The following PEA15 variants were observed in gnomAD, a reference collection of about 807,000 sequenced individuals.
The protein encoded by PEA15 is astrocytic phosphoprotein PEA-15.
For synonymous variants in PEA15, 60 were observed against 61.8 expected (o/e 0.97, Z 0.13); for missense variants, 77 against 161.3 (o/e 0.48, Z 2.83).
intron 2 of PEA15, among the ~76,000 whole-genome samples, 194 bp from the exon 3 acceptor site, chr1:160,212,916 G>C (rs187733226): frequency 6.6e-6 from 1 of 152,078 alleles, no homozygotes; most frequent in Non-Finnish European, 1.5e-5. Context: ...CCCTTCCTGC[G>C]AACAGTCCTC....
In PEA15 at chr1:160,213,788, T is replaced by TACTTCCCTTTCCTCCA. The variant is rs1654979253; in HGVS notation, c.*303_*318dup. Reference sequence around the variant, plus strand: ...CAAATAGAAATCAGCACATTCCTCCTACTTCCCTTTCCTCCACTCCCCCCA... The same window carrying TACTTCCCTTTCCTCCA: ...CAAATAGAAATCAGCACATTCCTCCTACTTCCCTTTCCTCCAACTTCCCTTTCCTCCACTCCCCCCA... On this transcript the variant is annotated 3_prime_UTR_variant, in exon 4 of 4. Coordinates refer to ENST00000360472, the MANE Select transcript of PEA15 (RefSeq NM_003768.5). This position sits in a 1 kb window ranked among gnomAD's most constrained non-coding sequence, Gnocchi z 5.3. The TACTTCCCTTTCCTCCA allele has an allele frequency of 1.9e-5, 7 of 362,668 alleles. No individual in the cohort carries two copies. Among genetic ancestry groups the TACTTCCCTTTCCTCCA allele is most frequent in the African/African-American group, 1.2e-4 (6 of 48,370 alleles). 22.5% of individuals were successfully genotyped at this position (362,668 alleles called of 1,614,324 possible). A position where few individuals can be genotyped will look rare whatever the true frequency, so the allele number is the denominator to read the frequency against.
intron 1 of PEA15, among the ~76,000 whole-genome samples, chr1:160,210,894 G>A (rs1024426016): frequency 1.2e-4 from 18 of 152,150 alleles, no homozygotes; most frequent in African/African-American, 4.1e-4. Flanking sequence ...CCCCCACCTC[G>A]AACCCTAATG....
In PEA15 at chr1:160,208,474, G is replaced by A. The variant is rs1459650591; in HGVS notation, c.-3+2952G>A. ...GTATCCTGTCCCAAGAATGGCCTCC[G>A]CCCAGACTGCCTGGTGATCCCTGAG... On this transcript the variant is annotated intron_variant, in intron 1 of 3. Coordinates refer to ENST00000360472, the MANE Select transcript of PEA15 (RefSeq NM_003768.5). This position sits in a 1 kb window ranked among gnomAD's most constrained non-coding sequence, Gnocchi z 4.1. 35 of 814,654 alleles carry A rather than the reference G, an allele frequency of 4.3e-5. No individual in the cohort carries two copies. Among genetic ancestry groups the A allele is most frequent in the Non-Finnish European group, 1.4e-5 (7 of 503,212 alleles). 50.5% of individuals were successfully genotyped at this position (814,654 alleles called of 1,614,324 possible). A position where few individuals can be genotyped will look rare whatever the true frequency, so the allele number is the denominator to read the frequency against.
Position 160,215,145 on chromosome 1 carries a change from T to A in PEA15, c.*1659T>A, listed in dbSNP as rs1286691224. On this transcript the variant is annotated 3_prime_UTR_variant, in exon 4 of 4. Transcript: ENST00000360472. ...CCATTTGGGATATGTTACATTAGAG[T>A]GAGAGAGAGAATAAGGAGCCTTTCT... The A allele has an allele frequency of 6.6e-6, 1 of 152,144 alleles. No homozygotes were observed. Among genetic ancestry groups the A allele is most frequent in the African/African-American group, 2.4e-5 (1 of 41,264 alleles). 9.4% of individuals were successfully genotyped at this position (152,144 alleles called of 1,614,324 possible). A position where few individuals can be genotyped will look rare whatever the true frequency, so the allele number is the denominator to read the frequency against.
chr1:160,208,083 C>T lies in PEA15; in HGVS notation c.-3+2561C>T, dbSNP rs576011803. Among the ~76,000 whole-genome samples, 3 of 152,360 alleles carry T rather than the reference C, an allele frequency of 2.0e-5. No homozygotes were observed. The highest frequency in any genetic ancestry group is 6.5e-5 in the Admixed American group (1 of 15,306). ...AAACGTTAGAAGGGATAATCTACCA[C>T]GACTTAATGTCAAAATGCACAGAAA... On this transcript the variant is annotated intron_variant, in intron 1 of 3. Coordinates refer to ENST00000360472, the MANE Select transcript of PEA15 (RefSeq NM_003768.5). This position sits in a 1 kb window ranked among gnomAD's most constrained non-coding sequence, Gnocchi z 4.1.
intron 1 of PEA15, among the ~76,000 whole-genome samples, chr1:160,209,566 G>A (rs1162331335): frequency 2.0e-5 from 3 of 151,826 alleles, no homozygotes; most frequent in African/African-American, 7.3e-5. Context: ...CTTTCCTCCC[G>A]CAGGATCTGT....
At chr1:160,207,807 G>A (rs892103054) in intron 1 of PEA15, among the ~76,000 whole-genome samples, 2 of 152,164 alleles carry the variant, frequency 1.3e-5, no homozygotes, top group Non-Finnish European at 2.9e-5. Context: ...AAATAGGAAA[G>A]CTGGACCCCT....
chr1:160,209,795 C>G (rs1016332681), intron 1 of PEA15, among the ~76,000 whole-genome samples: 1 of 152,318 alleles, frequency 6.6e-6, no homozygotes, highest in East Asian at 1.9e-4. Flanking sequence ...CCGTACCCCC[C>G]TCCTTCTGTC....
intron 2 of PEA15, among the ~76,000 whole-genome samples, chr1:160,212,363 G>T (rs1182940828): frequency 6.6e-6 from 1 of 152,128 alleles, no homozygotes; most frequent in Non-Finnish European, 1.5e-5. Context: ...TGACTAGGAT[G>T]TAGGGTGTTT....
chr1:160,207,657 T>G (rs1454417926), intron 1 of PEA15, among the ~76,000 whole-genome samples: 1 of 152,100 alleles, frequency 6.6e-6, no homozygotes, highest in African/African-American at 2.4e-5. Context: ...GAACCCTCAA[T>G]TTCCTTGTTA....
intron 1 of PEA15, chr1:160,206,205 C>G (rs1385648920): frequency 6.6e-6 from 1 of 152,368 alleles, no homozygotes; most frequent in Non-Finnish European, 1.5e-5. Flanking sequence ...GCCCACCACA[C>G]CCCCACTCTG....
rs1214425935 is a variant in PEA15 at position 160,214,516 on chromosome 1, T to A, written c.*1030T>A. 1.3e-5 allele frequency: 2 copies of A among 152,634 alleles called. No homozygotes were observed. Among genetic ancestry groups the A allele is most frequent in the African/African-American group, 4.8e-5 (2 of 41,416 alleles). The allele number at this position is 152,634 out of a possible 1,614,324, so 9.5% of individuals were successfully genotyped here. A position where few individuals can be genotyped will look rare whatever the true frequency, so the allele number is the denominator to read the frequency against. On this transcript the variant is annotated 3_prime_UTR_variant, in exon 4 of 4. Transcript: ENST00000360472. Reference sequence around the variant, plus strand: ...GGCTTGTGAACACCTCCTAGCCACATCACTACAGTACAGTGAGTGACCCCA... The same window carrying A: ...GGCTTGTGAACACCTCCTAGCCACAACACTACAGTACAGTGAGTGACCCCA...
Sources: gnomAD v4.1 joint callset for allele counts (sites outside exome capture counted in the v4.1 genomes callset) on GRCh38, gnomAD v4.1.1 for gene constraint, Gnocchi (gnomAD v3.1) non-coding constraint, MANE v1.5 for transcripts, NCBI Gene and HGNC (gene_info 2026-07-23, HGNC 2026-07-21) for gene names.